HDAC11: variants seen among roughly 807,000 people sequenced by gnomAD.
HDAC11 encodes the protein histone deacetylase 11.
Under a neutral mutation model 41.1 loss-of-function variants are expected in HDAC11, and 23 were observed. That is an observed-to-expected ratio of 0.56 (90% CI 0.40 to 0.79). The LOEUF (loss-of-function observed/expected upper bound fraction) is 0.79, where lower values mean the gene tolerates loss of function less well. Ranked by LOEUF, HDAC11 falls within the 30% of genes least tolerant of loss-of-function variation. HDAC11 has a pLI of 0.00. For synonymous variants in HDAC11, 187 were observed against 186.6 expected (o/e 1.00, Z -0.02); for missense variants, 402 against 477.3 (o/e 0.84, Z 1.47).
At position 13,502,784 on chromosome 3, in the gene HDAC11, C is replaced by T. The variant is rs1702431470; in HGVS notation, c.553-100C>T. The T allele has an allele frequency of 2.4e-6, 2 of 841,900 alleles. No individual in the cohort carries two copies. Among genetic ancestry groups the T allele is most frequent in the Non-Finnish European group, 4.0e-6 (2 of 504,682 alleles). 52.2% of individuals were successfully genotyped at this position (841,900 alleles called of 1,614,324 possible). A position where few individuals can be genotyped will look rare whatever the true frequency, so the allele number is the denominator to read the frequency against. The stretch of plus-strand genomic sequence containing the variant: ...CTGCCCCCGAGAGCAGGCCGTGCTG[C>T]CCTGGCAAATGGGGAGTTTCCTGAG... On this transcript the variant is annotated intron_variant, in intron 7 of 9. Coordinates refer to ENST00000295757, the MANE Select transcript of HDAC11 (RefSeq NM_024827.4). This position sits in a 1 kb window ranked among gnomAD's most constrained non-coding sequence, Gnocchi z 4.1.
intron 3 of HDAC11, among the ~76,000 whole-genome samples, chr3:13,487,304 G>A (rs1045405708): frequency 6.6e-6 from 1 of 152,194 alleles, no homozygotes; most frequent in African/African-American, 2.4e-5. Context: ...GAGTCCTTCA[G>A]GTTTCTCAGG....
In HDAC11 at chr3:13,502,649, C is replaced by CT; in HGVS notation, c.553-234dup. 1 of 450,916 alleles carries CT rather than the reference C, an allele frequency of 2.2e-6. No individual in the cohort carries two copies. The highest frequency in any genetic ancestry group is 2.5e-5 in the South Asian group (1 of 39,338). 27.9% of individuals were successfully genotyped at this position (450,916 alleles called of 1,614,324 possible). On this transcript the variant is annotated intron_variant, in intron 7 of 9. Coordinates refer to ENST00000295757, the MANE Select transcript of HDAC11 (RefSeq NM_024827.4). The surrounding 1 kb of genome is among the most constrained non-coding windows in gnomAD (Gnocchi z 4.1). ...GGGTGGCAGAGCGGGATTTCTTCCT[C>CT]TGATAGGGAACCTAAGAGCACTGGG...
chr3:13,504,833 A>C lies in HDAC11; in HGVS notation c.*150A>C, dbSNP rs564907212. On this transcript the variant is annotated 3_prime_UTR_variant, in exon 10 of 10. Transcript: ENST00000295757. ...GGGGCCTGGAGCTGGCCCTTCCTCT[A>C]CTTTTCCCTGCTGGAAGCCAGAAGG... 25 of 707,480 alleles carry C rather than the reference A, an allele frequency of 3.5e-5. No homozygotes were observed. The Admixed American group carries it at 4.9e-4, about 14-fold the overall frequency. The allele number at this position is 707,480 out of a possible 1,614,324, so 43.8% of individuals were successfully genotyped here.
intron 3 of HDAC11, among the ~76,000 whole-genome samples, chr3:13,487,682 A>G (rs546547233): frequency 6.6e-6 from 1 of 151,876 alleles, no homozygotes; most frequent in South Asian, 2.1e-4. Flanking sequence ...GCCCCTGTGC[A>G]CTCTGCACTG....
chr3:13,495,991 A>G (rs1461879167), intron 3 of HDAC11, among the ~76,000 whole-genome samples: 1 of 152,252 alleles, frequency 6.6e-6, no homozygotes, highest in African/African-American at 2.4e-5. Flanking sequence ...GTAAATATTT[A>G]CAAAGTGAGT....
intron 4 of HDAC11, among the ~76,000 whole-genome samples, chr3:13,497,054 C>T (rs1473958306): frequency 1.3e-5 from 2 of 152,180 alleles, no homozygotes. Context: ...TCTCATCGTT[C>T]CTTCTCCTAT....
intron 6 of HDAC11, 91 bp downstream of exon 6, chr3:13,500,880 T>C (rs1702332110): frequency 1.0e-6 from 1 of 997,668 alleles, no homozygotes; most frequent in Non-Finnish European, 1.4e-6. Flanking sequence ...CCCTGAATTA[T>C]AGACAAGGGG....
chr3:13,486,491 A>G (rs530289169), intron 3 of HDAC11, among the ~76,000 whole-genome samples: 1 of 148,094 alleles, frequency 6.8e-6, no homozygotes, highest in African/African-American at 2.5e-5. Flanking sequence ...GGGTAATTGG[A>G]TGGTCAGGGA....
intron 3 of HDAC11, among the ~76,000 whole-genome samples, chr3:13,496,015 G>A (rs971386931): frequency 3.9e-5 from 6 of 152,362 alleles, no homozygotes; most frequent in Admixed American, 3.9e-4. Flanking sequence ...TCTGCCTCGC[G>A]TGGGTGGGGA....
At chr3:13,493,880 C>G (rs747509337) in intron 3 of HDAC11, among the ~76,000 whole-genome samples, 5 of 152,248 alleles carry the variant, frequency 3.3e-5, no homozygotes, top group African/African-American at 4.8e-5. Context: ...CAAGGAACCT[C>G]TTTGAGGTTC....
intron 8 of HDAC11, among the ~76,000 whole-genome samples, chr3:13,503,407 A>G (rs1702464539): frequency 6.6e-6 from 1 of 152,176 alleles, no homozygotes; most frequent in African/African-American, 2.4e-5. Context: ...TCTACTAAAA[A>G]TACAAAATTA....
At chr3:13,504,433 G>GA in intron 9 of HDAC11, 35 bp from the exon 10 acceptor site, 1 of 1,610,264 alleles carries the variant, frequency 6.2e-7, no homozygotes, top group South Asian at 1.1e-5. Flanking sequence ...ATGGGGGTCT[G>GA]GCCTGCCTGA....
chr3:13,484,085 G>A (rs890146595), intron 3 of HDAC11, among the ~76,000 whole-genome samples: 2 of 152,104 alleles, frequency 1.3e-5, no homozygotes, highest in Non-Finnish European at 2.9e-5. Flanking sequence ...ACCCTCCTGA[G>A]TGAGTAGCTA....
intron 3 of HDAC11, among the ~76,000 whole-genome samples, chr3:13,485,583 C>A (rs543736676): frequency 6.6e-6 from 1 of 152,270 alleles, no homozygotes; most frequent in East Asian, 1.9e-4. Flanking sequence ...GCATGCCTGG[C>A]CTTGGTCCCC....
At chr3:13,483,610 C>T (rs1419105891) in intron 3 of HDAC11, 46 bp downstream of exon 3, 2 of 1,506,320 alleles carry the variant, frequency 1.3e-6, no homozygotes, top group Non-Finnish European at 1.8e-6. Context: ...GGGCAGGGGG[C>T]TGCTGGCCAG....
At chr3:13,503,209 A>C (rs1702453701) in intron 8 of HDAC11, 1 of 370,526 alleles carries the variant, frequency 2.7e-6, no homozygotes, top group Non-Finnish European at 4.9e-6. Flanking sequence ...CTGGCAAAAA[A>C]CAGGAAAGAA....
At chr3:13,492,337 C>T (rs888351933) in intron 3 of HDAC11, among the ~76,000 whole-genome samples, 7 of 152,224 alleles carry the variant, frequency 4.6e-5, no homozygotes, top group African/African-American at 1.2e-4. Context: ...AGGGGATCAA[C>T]GGCATGCATG....
At position 13,480,636 on chromosome 3, in the gene HDAC11, C is replaced by A. The variant is rs1701265138; in HGVS notation, c.2+287C>A. 2.4e-6 allele frequency: 1 copy of A among 408,388 alleles called. No homozygotes were observed. Among genetic ancestry groups the A allele is most frequent in the Non-Finnish European group, 4.9e-6 (1 of 203,066 alleles). The allele number at this position is 408,388 out of a possible 1,614,324, so 25.3% of individuals were successfully genotyped here. A position where few individuals can be genotyped will look rare whatever the true frequency, so the allele number is the denominator to read the frequency against. The stretch of plus-strand genomic sequence containing the variant: ...GGGTCTGACGTCTGCGCTGCCCAGC[C>A]CCCTGGCTACGCGGACGCCCCCACG... On this transcript the variant is annotated intron_variant, in intron 1 of 9. Coordinates refer to ENST00000295757, the MANE Select transcript of HDAC11 (RefSeq NM_024827.4). This position sits in a 1 kb window ranked among gnomAD's most constrained non-coding sequence, Gnocchi z 4.6.
At chr3:13,488,891 C>T (rs1008365492) in intron 3 of HDAC11, among the ~76,000 whole-genome samples, 5 of 152,024 alleles carry the variant, frequency 3.3e-5, no homozygotes, top group African/African-American at 7.3e-5. Flanking sequence ...AATTTCTCTA[C>T]ATCCTTTTCA....
Sources: allele counts gnomAD v4.1 joint callset (sites outside exome capture counted in the v4.1 genomes callset), GRCh38; gene constraint gnomAD v4.1.1; non-coding constraint Gnocchi (gnomAD v3.1); transcripts MANE v1.5; gene names NCBI Gene and HGNC (gene_info 2026-07-23, HGNC 2026-07-21).